Variants in PDE4D observed in about 807,000 individuals in gnomAD.
PDE4D encodes the protein 3',5'-cyclic-AMP phosphodiesterase 4D.
In PDE4D, 24 loss-of-function variants were observed where a neutral mutation model predicts 87.4. The observed-to-expected ratio is 0.27, with a 90% CI of 0.20 to 0.39. PDE4D has a LOEUF of 0.39. Among genes scored for constraint, PDE4D ranks in the 10% least tolerant of loss-of-function variants. The pLI, the probability that PDE4D is intolerant of heterozygous loss-of-function variation, is 1.00. For synonymous variants in PDE4D, 384 were observed against 383.2 expected, an observed-to-expected ratio of 1.00 and a Z score of -0.02; for missense variants, 714 against 1,041.0, an observed-to-expected ratio of 0.69 and a Z score of 4.32.
chr5:59,365,645 T>C (rs997114394), intron 1 of PDE4D, among the ~76,000 whole-genome samples: 6 of 152,136 alleles, frequency 3.9e-5, no homozygotes, highest in African/African-American at 9.7e-5. Context: ...ACAGGAGAGA[T>C]ACATTTGTAC....
chr5:59,917,405 GA>G (rs1754186337), intron 3 of PDE4D, among the ~76,000 whole-genome samples: 1 of 152,076 alleles, frequency 6.6e-6, no homozygotes, highest in South Asian at 2.1e-4. Flanking sequence ...TTCATGAAAA[GA>G]ACTTTGCAGG....
Position 60,306,592 on chromosome 5 carries a change from G to A in PDE4D, c.-89-120905C>T, listed in dbSNP as rs1643440270. On this transcript the variant is annotated intron_variant, in intron 1 of 16. Coordinates refer to the PDE4D transcript ENST00000502484. Reference sequence around the variant, plus strand: ...ATCAAAGCAGAAAAACGGCAATTAAGTAAGTAGAACTCTGCAAGAGTAAGA... The same window carrying A: ...ATCAAAGCAGAAAAACGGCAATTAAATAAGTAGAACTCTGCAAGAGTAAGA... Among the ~76,000 whole-genome samples the A allele has an allele frequency of 4.6e-5, 7 of 152,108 alleles. No individual in the cohort carries two copies. In the South Asian group the frequency reaches 1.5e-3, roughly 32 times the overall value.
chr5:60,362,063 T>C (rs1760123565), intron 1 of PDE4D, among the ~76,000 whole-genome samples: 1 of 152,228 alleles, frequency 6.6e-6, no homozygotes, highest in East Asian at 1.9e-4. Context: ...AACTCTGCTT[T>C]CTGCTGAAGC....
chr5:59,631,906 C>A (rs1330898351), intron 1 of PDE4D, among the ~76,000 whole-genome samples: 1 of 152,146 alleles, frequency 6.6e-6, no homozygotes, highest in African/African-American at 2.4e-5. Flanking sequence ...CATTCAATCC[C>A]CTGGAAGGGG....
At chr5:60,142,124 A>T (rs1250815997) in intron 2 of PDE4D, among the ~76,000 whole-genome samples, 1 of 149,262 alleles carries the variant, frequency 6.7e-6, no homozygotes, top group African/African-American at 2.4e-5. Context: ...GAAAACAAAA[A>T]TTTACCAATC....
At chr5:59,681,475 C>T (rs1748994488) in intron 1 of PDE4D, among the ~76,000 whole-genome samples, 1 of 152,152 alleles carries the variant, frequency 6.6e-6, no homozygotes, top group Non-Finnish European at 1.5e-5. Context: ...CCAAAGTTCA[C>T]ATCTTGGAAG....
intron 2 of PDE4D, among the ~76,000 whole-genome samples, chr5:60,031,832 T>C (rs982790956): frequency 5.3e-5 from 8 of 152,068 alleles, no homozygotes; most frequent in African/African-American, 1.9e-4. Flanking sequence ...TTAAAGTAAT[T>C]GGAATTATTT....
chr5:59,452,719 T>C (rs1381851627), intron 1 of PDE4D, among the ~76,000 whole-genome samples: 1 of 152,034 alleles, frequency 6.6e-6, no homozygotes, highest in Non-Finnish European at 1.5e-5. Context: ...CCTCCAACTA[T>C]AAAGGGCAGA....
chr5:59,180,358 C>T, intron 5 of PDE4D: 2 of 687,482 alleles, frequency 2.9e-6, no homozygotes, highest in South Asian at 1.5e-5. Flanking sequence ...AGTATAAGCA[C>T]ATAGTTAAAT....
chr5:59,383,262 C>T (rs1344404562), intron 1 of PDE4D, among the ~76,000 whole-genome samples: 3 of 152,060 alleles, frequency 2.0e-5, no homozygotes, highest in Non-Finnish European at 4.4e-5. Flanking sequence ...TCCCCATTCA[C>T]GATCTCACTT....
chr5:59,951,308 C>G lies in PDE4D; in HGVS notation c.272+37180G>C, dbSNP rs1402493824. On this transcript the variant is annotated intron_variant, in intron 3 of 16. Transcript: ENST00000502484. Reference sequence around the variant, plus strand: ...GGGATTGAATTTTTTTCCCCAAACACATTGCAATTTAGAGATTGCACTCCA... The same window carrying G: ...GGGATTGAATTTTTTTCCCCAAACAGATTGCAATTTAGAGATTGCACTCCA... Among the ~76,000 whole-genome samples, 5 of 152,118 alleles carry G rather than the reference C, an allele frequency of 3.3e-5. No homozygotes were observed. In the East Asian group the frequency reaches 9.6e-4, roughly 29 times the overall value.
chr5:59,724,592 G>A (rs908437797), intron 1 of PDE4D, among the ~76,000 whole-genome samples: 3 of 152,076 alleles, frequency 2.0e-5, no homozygotes, highest in African/African-American at 7.2e-5. Flanking sequence ...AAATAAAAGT[G>A]TAAATTATGA....
At chr5:59,932,747 A>C (rs1364629474) in intron 3 of PDE4D, among the ~76,000 whole-genome samples, 2 of 152,160 alleles carry the variant, frequency 1.3e-5, no homozygotes, top group African/African-American at 4.8e-5. Flanking sequence ...TACCAAATCG[A>C]TTCTACACTG....
intron 2 of PDE4D, among the ~76,000 whole-genome samples, chr5:60,107,300 T>C (rs1777085266): frequency 6.6e-6 from 1 of 151,918 alleles, no homozygotes; most frequent in South Asian, 2.1e-4. Flanking sequence ...CTCCCAAGAC[T>C]AAACCGGGAA....
intron 1 of PDE4D, among the ~76,000 whole-genome samples, chr5:60,315,238 G>A (rs1429737716): frequency 2.6e-5 from 4 of 152,234 alleles, no homozygotes; most frequent in Admixed American, 6.5e-5. Context: ...GATGGCTAGT[G>A]ATGATGAGCA....
chr5:59,788,792 C>T (rs1478644738), intron 1 of PDE4D, among the ~76,000 whole-genome samples: 2 of 152,192 alleles, frequency 1.3e-5, no homozygotes, highest in Non-Finnish European at 2.9e-5. Context: ...ATGTAACCTC[C>T]CTTGTTGCAT....
chr5:60,205,915 A>G (rs1742464380), intron 1 of PDE4D, among the ~76,000 whole-genome samples: 1 of 152,160 alleles, frequency 6.6e-6, no homozygotes, highest in Admixed American at 6.5e-5. Context: ...AGAAAAGGCA[A>G]TAAATATGCA....
intron 1 of PDE4D, among the ~76,000 whole-genome samples, chr5:60,452,781 A>G (rs139215790): frequency 5.9e-4 from 90 of 152,274 alleles, no homozygotes; most frequent in African/African-American, 2.1e-3. Flanking sequence ...ACAATAAAGC[A>G]TCATAGCTGA....
chr5:59,291,512 A>G (rs1768000446), intron 1 of PDE4D, among the ~76,000 whole-genome samples: 1 of 152,048 alleles, frequency 6.6e-6, no homozygotes, highest in Non-Finnish European at 1.5e-5. Flanking sequence ...CTAATATTTG[A>G]TAGTACAACA....
Sources: gnomAD v4.1 joint callset for allele counts (sites outside exome capture counted in the v4.1 genomes callset) on GRCh38, gnomAD v4.1.1 for gene constraint, MANE v1.5 for transcripts, NCBI Gene and HGNC (gene_info 2026-07-23, HGNC 2026-07-21) for gene names.